Variants in DNAH17 observed in about 807,000 individuals in gnomAD.
DNAH17 encodes axonemal beta dynein heavy chain 17.
A neutral mutation model predicts 485.6 loss-of-function variants in DNAH17; 376 were observed. The ratio of observed to expected loss-of-function variants is 0.77; its 90% CI spans 0.71 to 0.84. DNAH17 has a LOEUF of 0.84. Ranked by LOEUF, DNAH17 falls within the 40% of genes least tolerant of loss-of-function variation. The pLI is 0.00. For synonymous variants in DNAH17, 3,031 were observed against 2,405.9 expected (o/e 1.26, Z -7.60); for missense variants, 6,370 against 5,839.3 (o/e 1.09, Z -2.96).
chr17:78,545,987 T>C (rs990814291), intron 16 of DNAH17, among the ~76,000 whole-genome samples: 1 of 138,544 alleles, frequency 7.2e-6, no homozygotes, highest in African/African-American at 2.6e-5. Flanking sequence ...TTTTTTTTTT[T>C]CCTTTGAAAC....
Position 78,485,043 on chromosome 17 carries a change from G to T in DNAH17, c.7484-10C>A, listed in dbSNP as rs770111095. 1.3e-6 allele frequency: 2 copies of T among 1,594,934 alleles called. No homozygotes were observed. Among genetic ancestry groups the T allele is most frequent in the Non-Finnish European group, 1.7e-6 (2 of 1,170,980 alleles). On this transcript the variant is annotated splice_polypyrimidine_tract_variant and intron_variant, in intron 47 of 80. Coordinates refer to ENST00000389840, the MANE Select transcript of DNAH17 (RefSeq NM_173628.4). ...GGCTTCTCCAGCACCCCTAGAGAGGGCAGAGGGTCAGCTGCCCGCCTGCGC... is the reference window on the plus strand; with the variant it reads ...GGCTTCTCCAGCACCCCTAGAGAGGTCAGAGGGTCAGCTGCCCGCCTGCGC...
chr17:78,517,836 C>G (rs1288498087), intron 25 of DNAH17, among the ~76,000 whole-genome samples: 3 of 152,160 alleles, frequency 2.0e-5, no homozygotes, highest in African/African-American at 7.2e-5. Flanking sequence ...TCACAACAAA[C>G]AAGACCATGG....
At position 78,466,992 on chromosome 17, in the gene DNAH17, G is replaced by A. The variant is rs115165105; in HGVS notation, c.8779-176C>T. On this transcript the variant is annotated intron_variant, in intron 55 of 80. Transcript: ENST00000389840. ...GAAGGGCGGCCGCTGCATTGCCGTGGATAAATGCTCATCTGGCTTCATGCC... is the reference window on the plus strand; with the variant it reads ...GAAGGGCGGCCGCTGCATTGCCGTGAATAAATGCTCATCTGGCTTCATGCC... Among the ~76,000 whole-genome samples, 2,654 of 152,332 alleles carry A rather than the reference G, an allele frequency of 0.017. 91 individuals carry two copies. Among genetic ancestry groups the A allele is most frequent in the African/African-American group, 0.061 (2,517 of 41,566 alleles).
chr17:78,441,562 G>A (rs1403790883), intron 71 of DNAH17, among the ~76,000 whole-genome samples: 1 of 152,112 alleles, frequency 6.6e-6, no homozygotes, highest in Non-Finnish European at 1.5e-5. Flanking sequence ...GCCTAAAAAA[G>A]TCAAAGAAAA....
rs369330532 is a variant in DNAH17 at position 78,484,947 on chromosome 17, T to C, written c.7570A>G (p.Met2524Val). The C allele has an allele frequency of 1.1e-4, 178 of 1,612,188 alleles. 4 individuals carry two copies. The South Asian group carries it at 1.4e-3, about 13-fold the overall frequency. The stretch of plus-strand genomic sequence containing the variant: ...TACTTGTCCACCTCGGGCATGTTCA[T>C]GTCGTCGATGAAGTAGACGAGCTTC... ...TKKLVYFIDDMNMPEVDKYGT... is the reference protein window; with the variant it reads ...TKKLVYFIDDVNMPEVDKYGT... The change falls in exon 48 of 81, where the codon ATG becomes GTG. Residue 2524 changes from methionine to valine, a missense_variant. Transcript: ENST00000389840.
In DNAH17 at chr17:78,486,422, C is replaced by T. The variant is rs200689304; in HGVS notation, c.6903G>A (p.Thr2301=). The change falls in exon 45 of 81, where the codon ACG becomes ACA. Residue 2301 remains threonine, a synonymous_variant. Transcript: ENST00000389840. ...LMILFDKYLP[T]CLDKLRFGFK... is the part of the protein sequence containing the mutation. ...ACCCAAAGCGCAACTTGTCCAGGCACGTGGGCAGGTACTTGTCAAAGAGGA... is the reference window on the plus strand; with the variant it reads ...ACCCAAAGCGCAACTTGTCCAGGCATGTGGGCAGGTACTTGTCAAAGAGGA... The T allele has an allele frequency of 2.9e-5, 46 of 1,613,668 alleles. No individual in the cohort carries two copies. Among genetic ancestry groups the T allele is most frequent in the South Asian group, 4.4e-5 (4 of 91,092 alleles).
At chr17:78,548,909 G>T (rs2091838510) in intron 16 of DNAH17, among the ~76,000 whole-genome samples, 1 of 152,236 alleles carries the variant, frequency 6.6e-6, no homozygotes, top group Non-Finnish European at 1.5e-5. Flanking sequence ...AGAGCATGCT[G>T]GTCCCCTCCA....
At chr17:78,451,274 G>A (rs1191758489) in intron 66 of DNAH17, among the ~76,000 whole-genome samples, 195 bp downstream of exon 66, 1 of 152,216 alleles carries the variant, frequency 6.6e-6, no homozygotes, top group East Asian at 1.9e-4. Context: ...GCAGGAAGAG[G>A]GGACAGCTGG....
chr17:78,505,013 C>T (rs1598606581), intron 31 of DNAH17, among the ~76,000 whole-genome samples: 1 of 144,066 alleles, frequency 6.9e-6, no homozygotes, highest in Non-Finnish European at 1.5e-5. Flanking sequence ...TCAAGCGATT[C>T]TCCTGCCTCA....
intron 71 of DNAH17, among the ~76,000 whole-genome samples, chr17:78,444,279 T>C (rs575960414): frequency 2.6e-5 from 4 of 152,268 alleles, no homozygotes; most frequent in Admixed American, 2.0e-4. Context: ...CTTTTCTTCC[T>C]ATCATGTATC....
chr17:78,423,993 G>C lies in DNAH17; in HGVS notation c.13302C>G (p.Pro4434=). ...TCAAGTTAAAGGTCCAGACATAGGT[G>C]GGGCCGCGGATGCGTGTTTTGTACA... ...CPVYKTRIRG[P]TYVWTFNLKT... The change falls in exon 81 of 81, where the codon CCC becomes CCG. Residue 4434 remains proline (P), a synonymous_variant. Coordinates refer to ENST00000389840, the MANE Select transcript of DNAH17 (RefSeq NM_173628.4). The C allele has an allele frequency of 6.2e-7, 1 of 1,614,034 alleles. No individual in the cohort carries two copies.
At chr17:78,428,905 G>C (rs558668461) in intron 76 of DNAH17, among the ~76,000 whole-genome samples, 198 bp from the exon 77 acceptor site, 1 of 136,816 alleles carries the variant, frequency 7.3e-6, no homozygotes, top group Non-Finnish European at 1.5e-5. Context: ...CCCCTTCCCT[G>C]AGGCTGCATT....
chr17:78,455,980 G>C, intron 62 of DNAH17, 144 bp from the exon 63 acceptor site: 1 of 703,438 alleles, frequency 1.4e-6, no homozygotes, highest in Non-Finnish European at 2.2e-6. Flanking sequence ...AATGCTTTTG[G>C]GAGGAAATGC....
At position 78,437,983 on chromosome 17, in the gene DNAH17, A is replaced by G. The variant is rs939642228; in HGVS notation, c.11806-115T>C. On this transcript the variant is annotated intron_variant, in intron 73 of 80. Transcript: ENST00000389840. ...GGCAGGGCTCTTCTGCCAGCACCCCACACTTGCCTGGTGCTGGCACTGCCC... is the reference window on the plus strand; with the variant it reads ...GGCAGGGCTCTTCTGCCAGCACCCCGCACTTGCCTGGTGCTGGCACTGCCC... 4 of 734,252 alleles carry G rather than the reference A, an allele frequency of 5.4e-6. No individual in the cohort carries two copies. The Admixed American group carries it at 8.2e-5, about 15-fold the overall frequency. The allele number at this position is 734,252 out of a possible 1,614,324, so 45.5% of individuals were successfully genotyped here. A position where few individuals can be genotyped will look rare whatever the true frequency, so the allele number is the denominator to read the frequency against.
At chr17:78,502,287 G>T in intron 33 of DNAH17, 2 of 341,248 alleles carry the variant, frequency 5.9e-6, no homozygotes, top group Middle Eastern at 3.6e-4. Flanking sequence ...ATGATCTTTT[G>T]TTTCCATATT....
In DNAH17 at chr17:78,575,025, A is replaced by G. The variant is rs1217253931; in HGVS notation, c.33T>C (p.Tyr11=). The stretch of plus-strand genomic sequence containing the variant: ...GGACGATGGAGGCAACTTCCTCCAG[A>G]TACTCTAGTCTGACGTCCGGGGCCA... The part of the protein sequence containing the change: MTMAPDVRLE[Y]LEEVASIVLK... The change falls in exon 2 of 81, where the codon TAT becomes TAC. Residue 11 remains tyrosine (Y), a synonymous_variant. Coordinates refer to ENST00000389840, the MANE Select transcript of DNAH17 (RefSeq NM_173628.4). The G allele has an allele frequency of 1.9e-6, 3 of 1,613,836 alleles. No homozygotes were observed. The Admixed American group carries it at 5.0e-5, about 27-fold the overall frequency.
rs1375774305 is a variant in DNAH17 at position 78,570,984 on chromosome 17, G to C, written c.882C>G (p.Ile294Met). 2 of 1,585,418 alleles carry C rather than the reference G, an allele frequency of 1.3e-6. No individual in the cohort carries two copies. The highest frequency in any genetic ancestry group is 1.3e-5 in the African/African-American group (1 of 74,372). Reference protein sequence around the residue: ...DIVLYLKPLRILLEEMEQADF... With the variant: ...DIVLYLKPLRMLLEEMEQADF... ...CGGCTTGTTCCATCTCCTCCAGCAG[G>C]ATCCGTAGGGGCTTCAAATAGAGCA... The change falls in exon 6 of 81, where the codon ATC (isoleucine) becomes ATG (methionine). Residue 294 changes from isoleucine (I) to methionine (M), a missense_variant. Physicochemically the swap from Ile to Met is conservative, Grantham distance 10. Transcript: ENST00000389840.
chr17:78,558,077 C>T (rs548611398), intron 14 of DNAH17, 31 bp downstream of exon 14: 4 of 1,580,962 alleles, frequency 2.5e-6, no homozygotes, highest in African/African-American at 1.4e-5. Context: ...TACAAAGCTG[C>T]ATCAGGAATA....
intron 13 of DNAH17, 103 bp from the exon 14 acceptor site, chr17:78,558,357 CG>C (rs1026461109): frequency 6.2e-5 from 87 of 1,394,868 alleles, no homozygotes; most frequent in Middle Eastern, 1.8e-4. Flanking sequence ...TTTTGACAGC[CG>C]GGGGGGATCT....
Sources: gnomAD v4.1 joint callset for allele counts (sites outside exome capture counted in the v4.1 genomes callset) on GRCh38, gnomAD v4.1.1 for gene constraint, MANE v1.5 for transcripts, NCBI Gene and HGNC (gene_info 2026-07-23, HGNC 2026-07-21) for gene names.